The following XKR6 variants were observed in gnomAD, a reference collection of about 807,000 sequenced individuals.
XKR6 encodes the protein XK-related protein 6.
XKR6 carries 22 observed loss-of-function variants against 56.7 expected under a neutral mutation model. The observed-to-expected ratio is 0.39, with a 90% CI of 0.28 to 0.55. The LOEUF is 0.55. Among genes scored for constraint, XKR6 ranks in the 20% least tolerant of loss-of-function variants. XKR6 has a pLI of 0.66. For synonymous variants in XKR6, 524 were observed against 387.8 expected (o/e 1.35, Z -4.13); for missense variants, 852 against 889.0 (o/e 0.96, Z 0.53).
chr8:11,171,070 T>C (rs1436495420), intron 1 of XKR6, among the ~76,000 whole-genome samples: 1 of 152,240 alleles, frequency 6.6e-6, no homozygotes, highest in African/African-American at 2.4e-5. Flanking sequence ...TCACCATCTT[T>C]ATATACTTTG....
chr8:11,114,799 T>C (rs563705416), intron 1 of XKR6, among the ~76,000 whole-genome samples: 8 of 148,142 alleles, frequency 5.4e-5, no homozygotes, highest in South Asian at 2.1e-4. Context: ...GAAAGGTCAG[T>C]GTAATGCTAA....
chr8:10,954,251 A>T (rs954293844), intron 1 of XKR6, among the ~76,000 whole-genome samples: 3 of 152,198 alleles, frequency 2.0e-5, no homozygotes, highest in African/African-American at 7.2e-5. Flanking sequence ...GTTGTTTTTC[A>T]TCGTGGCTGC....
intron 1 of XKR6, among the ~76,000 whole-genome samples, chr8:11,078,560 G>A (rs9329235): frequency 0.22 from 33,644 of 152,086 alleles, 4,132 homozygotes; most frequent in African/African-American, 0.32. Flanking sequence ...AGAGGATTTG[G>A]GGAAGGAAGT....
chr8:11,069,349 C>A (rs972812316), intron 1 of XKR6, among the ~76,000 whole-genome samples: 1 of 152,158 alleles, frequency 6.6e-6, no homozygotes, highest in Non-Finnish European at 1.5e-5. Flanking sequence ...CTGGTCCATC[C>A]CCCACCAGAG....
intron 1 of XKR6, among the ~76,000 whole-genome samples, chr8:11,097,942 G>C (rs1364565198): frequency 1.3e-5 from 2 of 151,410 alleles, no homozygotes; most frequent in Admixed American, 6.6e-5. Context: ...TCACGTGGAA[G>C]TCAAAAATAA....
intron 1 of XKR6, among the ~76,000 whole-genome samples, chr8:10,962,317 C>T (rs945862324): frequency 6.6e-6 from 1 of 152,160 alleles, no homozygotes; most frequent in African/African-American, 2.4e-5. Flanking sequence ...GGGACACCAT[C>T]GTGCCACATT....
intron 1 of XKR6, among the ~76,000 whole-genome samples, chr8:11,046,716 A>G (rs895818916): frequency 1.3e-5 from 2 of 152,250 alleles, no homozygotes; most frequent in African/African-American, 4.8e-5. Context: ...ATAAGGAATC[A>G]ACTTAAGTGG....
intron 1 of XKR6, among the ~76,000 whole-genome samples, chr8:11,020,948 T>A (rs576313637): frequency 6.6e-6 from 1 of 151,954 alleles, no homozygotes. Context: ...TGGCACAGAG[T>A]AGGTACTATC....
At chr8:11,096,819 T>C (rs1380089234) in intron 1 of XKR6, among the ~76,000 whole-genome samples, 5 of 152,234 alleles carry the variant, frequency 3.3e-5, no homozygotes, top group Non-Finnish European at 7.3e-5. Context: ...TAGCTGTTTT[T>C]CAACAAATAC....
At chr8:11,195,542 C>T (rs941069986) in intron 1 of XKR6, among the ~76,000 whole-genome samples, 1 of 152,158 alleles carries the variant, frequency 6.6e-6, no homozygotes, top group Non-Finnish European at 1.5e-5. Context: ...ACTTCCTGAT[C>T]AGGTAAGTCT....
chr8:11,082,430 T>C (rs900475347), intron 1 of XKR6, among the ~76,000 whole-genome samples: 1 of 152,224 alleles, frequency 6.6e-6, no homozygotes, highest in Non-Finnish European at 1.5e-5. Flanking sequence ...TCCAAAGAGG[T>C]TGGCAGCTTC....
intron 1 of XKR6, among the ~76,000 whole-genome samples, chr8:10,994,576 T>A (rs1217917661): frequency 6.6e-6 from 1 of 152,196 alleles, no homozygotes; most frequent in Non-Finnish European, 1.5e-5. Flanking sequence ...CCAGAGTCCA[T>A]GATCAGAGTT....
chr8:11,080,035 T>C (rs188399127), intron 1 of XKR6, among the ~76,000 whole-genome samples: 1 of 151,902 alleles, frequency 6.6e-6, no homozygotes, highest in East Asian at 1.9e-4. Context: ...AAAATAATCA[T>C]AAAAGGTCCC....
At chr8:11,035,748 AAGG>A (rs1799124393) in intron 1 of XKR6, among the ~76,000 whole-genome samples, 1 of 152,102 alleles carries the variant, frequency 6.6e-6, no homozygotes, top group South Asian at 2.1e-4. Flanking sequence ...AGGAGGCAGG[AAGG>A]AGATTAGTGA....
chr8:10,918,940 C>G (rs1315279771), intron 2 of XKR6, among the ~76,000 whole-genome samples: 5 of 152,204 alleles, frequency 3.3e-5, no homozygotes, highest in Admixed American at 3.3e-4. Context: ...CAGCCTCCAA[C>G]AGGTGCTCCT....
chr8:10,901,034 G>A (rs1800022184), intron 2 of XKR6, among the ~76,000 whole-genome samples: 1 of 146,064 alleles, frequency 6.8e-6, no homozygotes, highest in South Asian at 2.2e-4. Context: ...TTTATTTTTT[G>A]TAGAGACAGA....
rs6601541 is a variant in XKR6 at position 10,973,233 on chromosome 8, T to G, written c.765-48403A>C. ...AGAATTTAAAATAACCCATCACTAA[T>G]GGGTCATATATGTCCCAGTGTCTTA... On this transcript the variant is annotated intron_variant, in intron 1 of 2. Transcript: ENST00000416569. 4.6e-5 allele frequency among the ~76,000 whole-genome samples: 7 copies of G among 152,112 alleles called. No homozygotes were observed. In the East Asian group the frequency reaches 7.7e-4, roughly 17 times the overall value.
chr8:11,130,467 C>T (rs973471815), intron 1 of XKR6, among the ~76,000 whole-genome samples: 1 of 152,112 alleles, frequency 6.6e-6, no homozygotes, highest in Non-Finnish European at 1.5e-5. Flanking sequence ...GTGTGTGTTA[C>T]ACACAGACAG....
In XKR6 at chr8:11,092,223, T is replaced by C. The variant is rs6999135; in HGVS notation, c.764+108353A>G. Among the ~76,000 whole-genome samples the C allele has an allele frequency of 4.5e-3, 690 of 152,374 alleles. 8 individuals are homozygous for C. The highest frequency in any genetic ancestry group is 0.014 in the African/African-American group (586 of 41,588). On this transcript the variant is annotated intron_variant, in intron 1 of 2. Coordinates refer to ENST00000416569, the MANE Select transcript of XKR6 (RefSeq NM_173683.4). ...GAACTCATTGCTTTTAAAATTCTTC[T>C]GACAACTCAAGAGTAAGAAATGTAT... is the stretch of plus-strand genomic sequence containing the variant.
Sources: gnomAD v4.1 joint callset for allele counts (sites outside exome capture counted in the v4.1 genomes callset) on GRCh38, gnomAD v4.1.1 for gene constraint, MANE v1.5 for transcripts, NCBI Gene and HGNC (gene_info 2026-07-23, HGNC 2026-07-21) for gene names.